SPIRE1: variants seen among roughly 807,000 people sequenced by gnomAD.
SPIRE1 encodes spire type actin nucleation factor 1, also known as protein spire homolog 1.
SPIRE1 carries 40 observed loss-of-function variants against 94.1 expected under a neutral mutation model. The ratio of observed to expected loss-of-function variants is 0.43; its 90% CI spans 0.33 to 0.55. The LOEUF is 0.55. Ranked by LOEUF, SPIRE1 falls within the 20% of genes least tolerant of loss-of-function variation. The pLI, the probability that SPIRE1 is intolerant of heterozygous loss-of-function variation, is 0.06. For synonymous variants in SPIRE1, 376 were observed against 371.7 expected, an observed-to-expected ratio of 1.01 and a Z score of -0.13; for missense variants, 838 against 975.2, an observed-to-expected ratio of 0.86 and a Z score of 1.87.
chr18:12,493,695 C>T (rs1197994903), intron 7 of SPIRE1, among the ~76,000 whole-genome samples: 2 of 152,214 alleles, frequency 1.3e-5, no homozygotes. Flanking sequence ...GCATGAGCCG[C>T]TGCACCTGGC....
At position 12,546,654 on chromosome 18, in the gene SPIRE1, T is replaced by C; in HGVS notation, c.603+20A>G. The C allele has an allele frequency of 2.6e-6, 4 of 1,550,610 alleles. No homozygotes were observed. The highest frequency in any genetic ancestry group is 2.7e-6 in the Non-Finnish European group (3 of 1,123,120). On this transcript the variant is annotated intron_variant, in intron 3 of 16. Transcript: ENST00000409402. ...AACAACTCTTGAAAAAAACAAGTAC[T>C]GCATAAAACGCTGCCTTACCTTCAT...
At chr18:12,650,327 C>A (rs968192418) in intron 1 of SPIRE1, among the ~76,000 whole-genome samples, 1 of 152,042 alleles carries the variant, frequency 6.6e-6, no homozygotes, top group Non-Finnish European at 1.5e-5. Flanking sequence ...GGTAGGCCAA[C>A]GTGGGCAAAT....
intron 2 of SPIRE1, among the ~76,000 whole-genome samples, chr18:12,634,373 T>C (rs1444861452): frequency 1.3e-5 from 2 of 151,950 alleles, no homozygotes; most frequent in African/African-American, 2.4e-5. Flanking sequence ...TTTCTTAAAT[T>C]AAGGCAGCTC....
intron 11 of SPIRE1, 143 bp from the exon 12 acceptor site, chr18:12,463,636 AG>A: frequency 1.5e-6 from 1 of 646,542 alleles, no homozygotes; most frequent in Non-Finnish European, 2.5e-6. Context: ...GGTAATCCTT[AG>A]GAGTAGACTC....
chr18:12,526,512 A>T (rs545701424), intron 4 of SPIRE1, among the ~76,000 whole-genome samples: 1 of 152,248 alleles, frequency 6.6e-6, no homozygotes, highest in South Asian at 2.1e-4. Context: ...GGCAGAGATC[A>T]TGTTCATCTC....
At position 12,603,037 on chromosome 18, in the gene SPIRE1, A is replaced by C. The variant is rs568304854; in HGVS notation, c.372+32025T>G. The stretch of plus-strand genomic sequence containing the variant: ...CATATAGTGAAAATGCATCTAATAC[A>C]CATAACCTACAAAACATCATAGCTT... On this transcript the variant is annotated intron_variant, in intron 2 of 16. Transcript: ENST00000409402. Among the ~76,000 whole-genome samples the C allele has an allele frequency of 2.3e-4, 35 of 152,358 alleles. 1 individual carries two copies. The highest frequency in any genetic ancestry group is 7.5e-4 in the African/African-American group (31 of 41,568).
chr18:12,505,894 C>A (rs1422598452), intron 6 of SPIRE1, among the ~76,000 whole-genome samples: 1 of 152,016 alleles, frequency 6.6e-6, no homozygotes, highest in African/African-American at 2.4e-5. Flanking sequence ...TAAAACAAAG[C>A]ATTCTATATT....
chr18:12,451,072 GA>G (rs372473615), intron 16 of SPIRE1: 23,464 of 263,742 alleles, frequency 0.089, 222 homozygotes, highest in South Asian at 0.16. Context: ...CTGTCCATTT[GA>G]AAAAAAAAAA....
At chr18:12,506,442 A>C in intron 6 of SPIRE1, 35 bp downstream of exon 6, 1 of 1,604,430 alleles carries the variant, frequency 6.2e-7, no homozygotes, top group Non-Finnish European at 8.5e-7. Context: ...TACAGGAGTG[A>C]GCCACATGCC....
intron 3 of SPIRE1, among the ~76,000 whole-genome samples, chr18:12,537,366 C>T (rs1260369535): frequency 6.6e-6 from 1 of 152,154 alleles, no homozygotes; most frequent in Non-Finnish European, 1.5e-5. Context: ...TGGCATAAAG[C>T]CACTGGGTTT....
intron 2 of SPIRE1, among the ~76,000 whole-genome samples, chr18:12,579,186 T>TACACACACACACACAC (rs755425946): frequency 3.7e-5 from 4 of 108,586 alleles, no homozygotes; most frequent in East Asian, 2.6e-4. Flanking sequence ...GGAAAAAGTT[T>TACACACACACACACAC]ACACACACAC....
chr18:12,565,305 C>A (rs2035790311), intron 2 of SPIRE1, among the ~76,000 whole-genome samples: 1 of 152,184 alleles, frequency 6.6e-6, no homozygotes, highest in Non-Finnish European at 1.5e-5. Context: ...GAAAAACCTG[C>A]ATCAACCTAG....
chr18:12,486,503 G>A (rs1189461776), intron 8 of SPIRE1, among the ~76,000 whole-genome samples: 2 of 152,130 alleles, frequency 1.3e-5, no homozygotes, highest in Non-Finnish European at 2.9e-5. Flanking sequence ...ACCATTATGT[G>A]TTAATAAACT....
At chr18:12,501,072 CAAAAAAAAAAAA>C (rs67894900) in intron 6 of SPIRE1, among the ~76,000 whole-genome samples, 38 of 80,226 alleles carry the variant, frequency 4.7e-4, no homozygotes, top group Admixed American at 1.1e-3. Context: ...AACTCTGTCT[CAAAAAAAAAAAA>C]AAAAAAAAAA....
chr18:12,528,625 C>G (rs185940295), intron 4 of SPIRE1, among the ~76,000 whole-genome samples: 13 of 152,236 alleles, frequency 8.5e-5, no homozygotes, highest in Non-Finnish European at 1.9e-4. Flanking sequence ...TGAACAGCTG[C>G]CCTGTCATGC....
At chr18:12,514,706 T>C (rs2034144922) in intron 4 of SPIRE1, among the ~76,000 whole-genome samples, 1 of 152,140 alleles carries the variant, frequency 6.6e-6, no homozygotes, top group Admixed American at 6.5e-5. Flanking sequence ...CTAGGGAAGT[T>C]GGGGAGCGGT....
At chr18:12,557,484 C>T (rs772588466) in intron 2 of SPIRE1, among the ~76,000 whole-genome samples, 40 of 152,284 alleles carry the variant, frequency 2.6e-4, no homozygotes, top group Middle Eastern at 3.4e-3. Flanking sequence ...CATGCTGGCC[C>T]GCGAGCGCCT....
intron 2 of SPIRE1, among the ~76,000 whole-genome samples, chr18:12,604,223 C>G (rs975974279): frequency 2.0e-5 from 3 of 152,146 alleles, no homozygotes; most frequent in Admixed American, 6.5e-5. Context: ...GAACCTATTA[C>G]TTGCGATTGG....
intron 3 of SPIRE1, 84 bp downstream of exon 3, chr18:12,546,561 ACTGCACTCTAGCCTGGGCGACAGAGTGAG>A (rs2035175755): frequency 1.3e-6 from 1 of 795,516 alleles, no homozygotes; most frequent in Admixed American, 1.9e-5. Flanking sequence ...TGATCACACC[ACTGCACTCTAGCCTGGGCGACAGAGTGAG>A]ACCATCTCTC....
Sources: allele counts gnomAD v4.1 joint callset (sites outside exome capture counted in the v4.1 genomes callset), GRCh38; gene constraint gnomAD v4.1.1; transcripts MANE v1.5; gene names NCBI Gene and HGNC (gene_info 2026-07-23, HGNC 2026-07-21).